The following LRRIQ3 variants were observed in gnomAD, a reference collection of about 807,000 sequenced individuals.
The protein encoded by LRRIQ3 is leucine-rich repeat and IQ domain-containing protein 3.
Under a neutral mutation model 59.3 loss-of-function variants are expected in LRRIQ3, and 75 were observed. That is an observed-to-expected ratio of 1.26 (90% CI 1.05 to 1.53). The LOEUF is 1.53. Ranked by LOEUF, LRRIQ3 falls within the 40% of genes most tolerant of loss-of-function variation. The probability of loss-of-function intolerance (pLI) is 0.00; values close to 1 mark genes in which losing one functional copy is unlikely to be tolerated. For missense variants in LRRIQ3, 831 were observed against 710.0 expected, an observed-to-expected ratio of 1.17 and a Z score of -1.94; for synonymous variants, 250 against 231.3, an observed-to-expected ratio of 1.08 and a Z score of -0.73.
chr1:74,098,662 C>G (rs1169327643), intron 5 of LRRIQ3, among the ~76,000 whole-genome samples: 4 of 152,166 alleles, frequency 2.6e-5, no homozygotes, highest in Non-Finnish European at 5.9e-5. Context: ...AAGTAAAGCA[C>G]TCCTCAGCAA....
intron 6 of LRRIQ3, among the ~76,000 whole-genome samples, chr1:74,064,855 T>C (rs952562148): frequency 6.6e-6 from 1 of 152,054 alleles, no homozygotes; most frequent in Non-Finnish European, 1.5e-5. Context: ...ACTTTCAAAA[T>C]TCTATCTTAA....
intron 4 of LRRIQ3, among the ~76,000 whole-genome samples, chr1:74,133,426 G>A (rs900926942): frequency 7.2e-5 from 11 of 151,870 alleles, no homozygotes; most frequent in East Asian, 5.8e-4. Context: ...TGTTTATTGC[G>A]GCACTATTCA....
intron 4 of LRRIQ3, among the ~76,000 whole-genome samples, chr1:74,147,456 G>A (rs531049264): frequency 6.6e-5 from 10 of 152,210 alleles, no homozygotes; most frequent in African/African-American, 2.2e-4. Context: ...TTAATTTGAT[G>A]TTTGATAACA....
chr1:74,095,588 C>T, intron 5 of LRRIQ3, among the ~76,000 whole-genome samples: 1 of 152,146 alleles, frequency 6.6e-6, no homozygotes, highest in East Asian at 1.9e-4. Flanking sequence ...TCATAAGCAA[C>T]TTACATTAAG....
intron 1 of LRRIQ3, among the ~76,000 whole-genome samples, chr1:74,186,091 TATAA>T (rs1299478365): frequency 1.3e-5 from 2 of 149,296 alleles, no homozygotes; most frequent in Admixed American, 6.7e-5. Flanking sequence ...TATAAATATA[TATAA>T]ATATTTTTAT....
intron 4 of LRRIQ3, among the ~76,000 whole-genome samples, chr1:74,120,920 A>G (rs1646846072): frequency 6.6e-6 from 1 of 152,102 alleles, no homozygotes. Context: ...TAAACCTCTC[A>G]TATATTGCAG....
At chr1:74,076,778 C>T (rs947318943) in intron 5 of LRRIQ3, among the ~76,000 whole-genome samples, 7 of 151,960 alleles carry the variant, frequency 4.6e-5, no homozygotes, top group Non-Finnish European at 8.8e-5. Flanking sequence ...TTTTAATGCT[C>T]ATTATAGGTG....
At chr1:74,140,916 T>C (rs551885623) in intron 4 of LRRIQ3, among the ~76,000 whole-genome samples, 3 of 151,866 alleles carry the variant, frequency 2.0e-5, no homozygotes, top group Non-Finnish European at 4.4e-5. Flanking sequence ...CCATACTTGA[T>C]GAAATTTTTA....
At chr1:74,132,285 A>T (rs1353115353) in intron 4 of LRRIQ3, among the ~76,000 whole-genome samples, 1 of 152,208 alleles carries the variant, frequency 6.6e-6, no homozygotes, top group Non-Finnish European at 1.5e-5. Context: ...TATTGTGAAA[A>T]TGGCCATATT....
At chr1:74,180,689 C>T in intron 3 of LRRIQ3, 1 of 1,545,450 alleles carries the variant, frequency 6.5e-7, no homozygotes, top group Non-Finnish European at 8.7e-7. Flanking sequence ...ATGTTGACTG[C>T]AGACTTGTTG....
chr1:74,060,221 G>GTTCTTCTTC (rs773201991), intron 6 of LRRIQ3, among the ~76,000 whole-genome samples: 63 of 53,626 alleles, frequency 1.2e-3, no homozygotes, highest in East Asian at 1.5e-3. Flanking sequence ...TCTTCTTCTT[G>GTTCTTCTTC]TTCTTCTTCT....
At chr1:74,142,832 T>A (rs1055582267) in intron 4 of LRRIQ3, among the ~76,000 whole-genome samples, 1 of 152,002 alleles carries the variant, frequency 6.6e-6, no homozygotes, top group African/African-American at 2.4e-5. Context: ...TTGCCTTAAG[T>A]GCAGGAAGAC....
intron 5 of LRRIQ3, among the ~76,000 whole-genome samples, chr1:74,093,096 C>G (rs1646411908): frequency 6.6e-6 from 1 of 151,612 alleles, no homozygotes; most frequent in Non-Finnish European, 1.5e-5. Context: ...AAATCAGAAG[C>G]ATACTAAGTT....
intron 4 of LRRIQ3, among the ~76,000 whole-genome samples, chr1:74,113,455 C>G (rs951982830): frequency 6.6e-6 from 1 of 152,072 alleles, no homozygotes; most frequent in African/African-American, 2.4e-5. Context: ...GGTCCACGTC[C>G]AGACACATCA....
chr1:74,150,991 T>C (rs1251228030), intron 4 of LRRIQ3, among the ~76,000 whole-genome samples: 2 of 146,214 alleles, frequency 1.4e-5, no homozygotes, highest in Non-Finnish European at 3.0e-5. Flanking sequence ...TTGCCAGAAA[T>C]AGTTATTGAA....
Position 74,118,868 on chromosome 1 carries a change from G to A in LRRIQ3, c.708-9315C>T, listed in dbSNP as rs181138270. Among the ~76,000 whole-genome samples the A allele has an allele frequency of 1.2e-3, 182 of 152,162 alleles. 1 individual carries two copies. Among genetic ancestry groups the A allele is most frequent in the African/African-American group, 4.3e-3 (179 of 41,528 alleles). ...GGCAGGGTTTCTATGTCGCAGTGTTGAGGAAGAAATGCTTCTTCAAGAAAT... is the reference window on the plus strand; with the variant it reads ...GGCAGGGTTTCTATGTCGCAGTGTTAAGGAAGAAATGCTTCTTCAAGAAAT... On this transcript the variant is annotated intron_variant, in intron 4 of 7. Coordinates refer to ENST00000354431, the MANE Select transcript of LRRIQ3 (RefSeq NM_001105659.2).
chr1:74,171,778 A>C (rs2100700827), intron 3 of LRRIQ3, among the ~76,000 whole-genome samples: 1 of 152,266 alleles, frequency 6.6e-6, no homozygotes, highest in South Asian at 2.1e-4. Flanking sequence ...TTAGAGAGGA[A>C]TTTGATTACA....
chr1:74,074,925 G>A (rs1646186124), intron 5 of LRRIQ3, 135 bp from the exon 6 acceptor site: 1 of 386,932 alleles, frequency 2.6e-6, no homozygotes, highest in Non-Finnish European at 4.5e-6. Context: ...TGTGAGGTAG[G>A]CAGGGTTAAG....
chr1:74,050,078 C>T lies in LRRIQ3; in HGVS notation c.998-8145G>A, dbSNP rs145526790. 6.4e-3 allele frequency among the ~76,000 whole-genome samples: 967 copies of T among 152,088 alleles called. 11 individuals are homozygous for T. The highest frequency in any genetic ancestry group is 0.022 in the African/African-American group (907 of 41,494). ...AGCTGGGATTACAGGCACACACCAC[C>T]ATACCTGGCTAATTTTTGTATTTTT... On this transcript the variant is annotated intron_variant, in intron 6 of 7. Transcript: ENST00000354431.
Sources: allele counts gnomAD v4.1 joint callset (sites outside exome capture counted in the v4.1 genomes callset), GRCh38; gene constraint gnomAD v4.1.1; transcripts MANE v1.5; gene names NCBI Gene and HGNC (gene_info 2026-07-23, HGNC 2026-07-21).